SCAI: variants seen among roughly 807,000 people sequenced by gnomAD.
SCAI encodes the protein suppressor of cancer cell invasion.
A neutral mutation model predicts 92.2 loss-of-function variants in SCAI; 24 were observed. That is an observed-to-expected ratio of 0.26 (90% CI 0.19 to 0.37). The LOEUF is 0.37. Among genes scored for constraint, SCAI ranks in the 10% least tolerant of loss-of-function variants. SCAI has a pLI of 1.00. For missense variants in SCAI, 450 were observed against 736.2 expected, an observed-to-expected ratio of 0.61 and a Z score of 4.50; for synonymous variants, 261 against 258.6, an observed-to-expected ratio of 1.01 and a Z score of -0.09.
chr9:124,981,958 C>T (rs1831895077), intron 14 of SCAI, among the ~76,000 whole-genome samples: 1 of 152,146 alleles, frequency 6.6e-6, no homozygotes, highest in Admixed American at 6.6e-5. Context: ...TTTTCCTTTA[C>T]CTAATCTTCA....
At chr9:125,033,857 G>A (rs1001461381) in intron 3 of SCAI, among the ~76,000 whole-genome samples, 8 of 152,164 alleles carry the variant, frequency 5.3e-5, no homozygotes, top group African/African-American at 1.9e-4. Context: ...TAAAAAGAGA[G>A]GGAGGCAATC....
intron 7 of SCAI, among the ~76,000 whole-genome samples, chr9:125,020,274 A>ATT (rs1832845603): frequency 6.6e-6 from 1 of 152,188 alleles, no homozygotes; most frequent in South Asian, 2.1e-4. Context: ...GAGAGACTTT[A>ATT]TGCAGACACT....
intron 2 of SCAI, among the ~76,000 whole-genome samples, chr9:125,080,872 C>A (rs976538852): frequency 2.6e-5 from 4 of 152,174 alleles, no homozygotes; most frequent in African/African-American, 9.7e-5. Flanking sequence ...GTGGGAGGGA[C>A]CCAGTGGAAG....
intron 3 of SCAI, among the ~76,000 whole-genome samples, chr9:125,032,639 AGTCTCACTCT>A: frequency 7.7e-6 from 1 of 129,170 alleles, no homozygotes; most frequent in East Asian, 2.4e-4. Flanking sequence ...TTTGAGATGG[AGTCTCACTCT>A]GTTGCCCAGG....
chr9:125,055,422 T>C (rs1833641277), intron 3 of SCAI, among the ~76,000 whole-genome samples: 1 of 152,044 alleles, frequency 6.6e-6, no homozygotes, highest in South Asian at 2.1e-4. Context: ...CCCAATCTGG[T>C]AGACAAAGGT....
At chr9:124,967,792 T>C (rs1374766894) in intron 17 of SCAI, among the ~76,000 whole-genome samples, 2 of 152,220 alleles carry the variant, frequency 1.3e-5, no homozygotes, top group African/African-American at 2.4e-5. Context: ...GAATTGCTTT[T>C]GACACTTCAA....
chr9:125,108,445 G>A (rs903419809), intron 2 of SCAI, among the ~76,000 whole-genome samples: 21 of 151,124 alleles, frequency 1.4e-4, no homozygotes, highest in Middle Eastern at 3.4e-3. Flanking sequence ...CTGCCTGGCC[G>A]CCCATCGTCT....
intron 2 of SCAI, among the ~76,000 whole-genome samples, chr9:125,103,937 G>A (rs1314513833): frequency 6.6e-6 from 1 of 152,038 alleles, no homozygotes; most frequent in African/African-American, 2.4e-5. Context: ...AGACAGATGG[G>A]TATCTTCTAT....
chr9:125,059,679 G>T (rs1174736946), intron 2 of SCAI, among the ~76,000 whole-genome samples: 1 of 152,160 alleles, frequency 6.6e-6, no homozygotes, highest in African/African-American at 2.4e-5. Flanking sequence ...CATTCTATGA[G>T]ATCTATCAAT....
At position 125,003,464 on chromosome 9, in the gene SCAI, A is replaced by T. The variant is rs1159434110; in HGVS notation, c.963+5T>A. 1 of 1,590,342 alleles carries T rather than the reference A, an allele frequency of 6.3e-7. No homozygotes were observed. Among genetic ancestry groups the T allele is most frequent in the Non-Finnish European group, 8.6e-7 (1 of 1,158,698 alleles). Reference sequence around the variant, plus strand: ...CAAACTTGCAAATGTAAAAGAGGAGATTACCTGCATTCCTGGTTTATTCAT... The same window carrying T: ...CAAACTTGCAAATGTAAAAGAGGAGTTTACCTGCATTCCTGGTTTATTCAT... On this transcript the variant is annotated splice_donor_5th_base_variant and intron_variant, in intron 10 of 17. Coordinates refer to ENST00000336505, the MANE Select transcript of SCAI (RefSeq NM_001144877.3).
rs147806679 is a variant in SCAI, at chr9:124,987,965, AAAAC to A, written c.1326+6965_1326+6968del. On this transcript the variant is annotated intron_variant, in intron 14 of 17. Coordinates refer to ENST00000336505, the MANE Select transcript of SCAI (RefSeq NM_001144877.3). Reference sequence around the variant, plus strand: ...GTAACAGAGCGAGACTTCTTCTCAAAAAACAAACAAACAAACAAACAAACACTCT... The same window carrying A: ...GTAACAGAGCGAGACTTCTTCTCAAAAAACAAACAAACAAACAAACACTCT... 8.3e-3 allele frequency among the ~76,000 whole-genome samples: 1,261 copies of A among 151,944 alleles called. 22 individuals are homozygous for A. The highest frequency in any genetic ancestry group is 0.028 in the African/African-American group (1,164 of 41,392).
Position 124,944,549 on chromosome 9 carries a change from G to C in SCAI, c.*8258C>G, listed in dbSNP as rs1831112669. 6.9e-6 allele frequency: 1 copy of C among 145,228 alleles called. No homozygotes were observed. Among genetic ancestry groups the C allele is most frequent in the Non-Finnish European group, 1.5e-5 (1 of 67,226 alleles). The allele number at this position is 145,228 out of a possible 1,614,324, so 9.0% of individuals were successfully genotyped here. A position where few individuals can be genotyped will look rare whatever the true frequency, so the allele number is the denominator to read the frequency against. On this transcript the variant is annotated 3_prime_UTR_variant, in exon 18 of 18. Coordinates refer to ENST00000336505, the MANE Select transcript of SCAI (RefSeq NM_001144877.3). ...GCCCAGACTGGTCTCCAACTCCTGA[G>C]TAATAAAAATTCTTATTGTGCTAAA...
chr9:125,142,935 G>T (rs1255358526), intron 1 of SCAI, among the ~76,000 whole-genome samples: 1 of 149,328 alleles, frequency 6.7e-6, no homozygotes, highest in Non-Finnish European at 1.5e-5. Flanking sequence ...ACCCCTGCTC[G>T]TCACAGCCCA....
chr9:125,109,692 T>TCTAC (rs1834894474), intron 2 of SCAI, among the ~76,000 whole-genome samples: 1 of 151,570 alleles, frequency 6.6e-6, no homozygotes, highest in South Asian at 2.1e-4. Flanking sequence ...TATCTATCTA[T>TCTAC]GTATTTATTT....
At chr9:125,030,496 T>C (rs1443504624) in intron 3 of SCAI, among the ~76,000 whole-genome samples, 1 of 152,192 alleles carries the variant, frequency 6.6e-6, no homozygotes, top group African/African-American at 2.4e-5. Context: ...ACATCTTTAC[T>C]GTAGGAAGGC....
In SCAI at chr9:125,026,331, G is replaced by A. The variant is rs745567606; in HGVS notation, c.512+481C>T. Among the ~76,000 whole-genome samples, 3 of 147,626 alleles carry A rather than the reference G, an allele frequency of 2.0e-5. No individual in the cohort carries two copies. In the East Asian group the frequency reaches 5.9e-4, roughly 29 times the overall value. ...GGAGGTGGAGGTTGCAGTGAGTTGA[G>A]ATCGCACCACTGCACTCCAGCCTGG... On this transcript the variant is annotated intron_variant, in intron 6 of 17. Coordinates refer to ENST00000336505, the MANE Select transcript of SCAI (RefSeq NM_001144877.3).
Position 124,989,207 on chromosome 9 carries a change from G to C in SCAI, c.1326+5727C>G, listed in dbSNP as rs186741879. ...AAACTGAAAAATCACTAAGAAGAAA[G>C]AGAAGATTCTATACGTTTCCAGACA... is the stretch of plus-strand genomic sequence containing the variant. On this transcript the variant is annotated intron_variant, in intron 14 of 17. Transcript: ENST00000336505. 1.8e-3 allele frequency among the ~76,000 whole-genome samples: 275 copies of C among 152,228 alleles called. 2 individuals are homozygous for C. Among genetic ancestry groups the C allele is most frequent in the African/African-American group, 6.3e-3 (262 of 41,548 alleles).
At chr9:125,126,567 G>GGTGT (rs748121151) in intron 2 of SCAI, among the ~76,000 whole-genome samples, 3,147 of 128,512 alleles carry the variant, frequency 0.024, 133 homozygotes, top group African/African-American at 0.084. Flanking sequence ...GGTGGGTGTG[G>GGTGT]GTGTGTGTGT....
At chr9:125,081,012 G>A (rs1834203461) in intron 2 of SCAI, among the ~76,000 whole-genome samples, 1 of 152,238 alleles carries the variant, frequency 6.6e-6, no homozygotes, top group Non-Finnish European at 1.5e-5. Flanking sequence ...TGCCATCCAT[G>A]TAAGATGTGA....
Sources: allele counts gnomAD v4.1 joint callset (sites outside exome capture counted in the v4.1 genomes callset), GRCh38; gene constraint gnomAD v4.1.1; transcripts MANE v1.5; gene names NCBI Gene and HGNC (gene_info 2026-07-23, HGNC 2026-07-21).